Variants in JAZF1 observed in about 807,000 individuals in gnomAD.
JAZF1 encodes the protein juxtaposed with another zinc finger protein 1.
In JAZF1, 8 loss-of-function variants were observed where a neutral mutation model predicts 26.4. The ratio of observed to expected loss-of-function variants is 0.30; its 90% CI spans 0.18 to 0.55. The LOEUF (loss-of-function observed/expected upper bound fraction) is 0.55, where lower values mean the gene tolerates loss of function less well. JAZF1 is among the 20% of genes least tolerant of loss of function. JAZF1 has a pLI of 0.94. For missense variants in JAZF1, 199 were observed against 322.0 expected (o/e 0.62, Z 2.92); for synonymous variants, 126 against 122.3 (o/e 1.03, Z -0.20).
chr7:28,109,375 A>G (rs2127931757), intron 1 of JAZF1, among the ~76,000 whole-genome samples: 2 of 152,308 alleles, frequency 1.3e-5, no homozygotes, highest in Middle Eastern at 6.8e-3. Flanking sequence ...AGCGGGGAAA[A>G]ATAAAATTGA....
intron 1 of JAZF1, among the ~76,000 whole-genome samples, chr7:28,077,836 T>G (rs573855047): frequency 9.8e-5 from 15 of 152,332 alleles, no homozygotes; most frequent in Middle Eastern, 3.4e-3. Flanking sequence ...CATGGGGAAT[T>G]TCCACGTTCA....
intron 1 of JAZF1, among the ~76,000 whole-genome samples, chr7:28,120,204 G>T (rs1185155156): frequency 6.6e-6 from 1 of 151,346 alleles, no homozygotes; most frequent in Non-Finnish European, 1.5e-5. Flanking sequence ...GCTTTTCAGG[G>T]GTTTAATGAA....
intron 2 of JAZF1, among the ~76,000 whole-genome samples, chr7:27,988,186 A>G (rs1198551056): frequency 2.0e-5 from 1 of 49,286 alleles, no homozygotes; most frequent in Non-Finnish European, 4.0e-5. Flanking sequence ...ATGATCAATA[A>G]ATACTGAAAA....
At chr7:27,849,773 A>ACACACACACACACACACACACACACACC (rs1187295731) in intron 3 of JAZF1, among the ~76,000 whole-genome samples, 14 of 114,004 alleles carry the variant, frequency 1.2e-4, no homozygotes, top group African/African-American at 7.2e-4. Context: ...ACACACACAC[A>ACACACACACACACACACACACACACACC]CCCCTACACC....
At chr7:28,091,819 G>A (rs1784302433) in intron 1 of JAZF1, among the ~76,000 whole-genome samples, 1 of 147,020 alleles carries the variant, frequency 6.8e-6, no homozygotes, top group Non-Finnish European at 1.5e-5. Flanking sequence ...ATATTCTCTT[G>A]TTTTAAATGA....
intron 2 of JAZF1, among the ~76,000 whole-genome samples, chr7:27,898,010 T>C (rs1231051846): frequency 2.0e-5 from 3 of 152,200 alleles, no homozygotes; most frequent in Admixed American, 2.0e-4. Context: ...ATGTACCAAG[T>C]GGCTCAAAAT....
chr7:28,171,506 TG>T (rs1451279267), intron 1 of JAZF1, among the ~76,000 whole-genome samples: 2 of 152,188 alleles, frequency 1.3e-5, no homozygotes, highest in African/African-American at 2.4e-5. Flanking sequence ...CCTGAGTTTC[TG>T]GGGGAGGAAA....
At chr7:27,955,474 C>T (rs1785072525) in intron 2 of JAZF1, among the ~76,000 whole-genome samples, 1 of 152,188 alleles carries the variant, frequency 6.6e-6, no homozygotes, top group African/African-American at 2.4e-5. Context: ...GACATCACCT[C>T]CCTAAAGCCT....
chr7:27,844,837 G>C lies in JAZF1; in HGVS notation c.386-3970C>G, dbSNP rs185310596. On this transcript the variant is annotated intron_variant, in intron 3 of 4. Coordinates refer to ENST00000283928, the MANE Select transcript of JAZF1 (RefSeq NM_175061.4). ...ACTGAGGCTATCAGGTTGAAATGAG[G>C]CTCTGGGCTACTCTAGGGGAAAATG... Among the ~76,000 whole-genome samples, 389 of 152,310 alleles carry C rather than the reference G, an allele frequency of 2.6e-3. 2 individuals are homozygous for C. Among genetic ancestry groups the C allele is most frequent in the African/African-American group, 8.7e-3 (363 of 41,572 alleles).
rs375242713 is a variant in JAZF1 at position 28,180,582 on chromosome 7, C to A, written c.-5G>T. 12 of 1,596,166 alleles carry A rather than the reference C, an allele frequency of 7.5e-6. No homozygotes were observed. The South Asian group carries it at 1.3e-4, about 18-fold the overall frequency. On this transcript the variant is annotated 5_prime_UTR_variant, in exon 1 of 5. It removes the in-frame stop codon of an upstream open reading frame in the 5' UTR. Transcript: ENST00000283928. ...GGCGGCGGCGATGCCTGTCATGGTG[C>A]TACATCGAGAGCCCCCCTGGTGTCG...
At chr7:28,096,304 T>C (rs1020294969) in intron 1 of JAZF1, among the ~76,000 whole-genome samples, 3 of 152,376 alleles carry the variant, frequency 2.0e-5, no homozygotes, top group Non-Finnish European at 4.4e-5. Context: ...GCAACACTTT[T>C]GGTTATAAAG....
chr7:28,019,000 T>C (rs1782950606), intron 1 of JAZF1, among the ~76,000 whole-genome samples: 1 of 152,188 alleles, frequency 6.6e-6, no homozygotes, highest in Non-Finnish European at 1.5e-5. Context: ...CAAAGTCACC[T>C]CTGAGCAGCT....
intron 1 of JAZF1, among the ~76,000 whole-genome samples, chr7:28,049,010 T>TCCCCCCCC (rs1783543931): frequency 1.0e-5 from 1 of 95,644 alleles, no homozygotes; most frequent in African/African-American, 3.9e-5. Context: ...CCTTCCTTCC[T>TCCCCCCCC]CCCTCCCTCC....
At chr7:27,865,459 C>A (rs917687707) in intron 3 of JAZF1, among the ~76,000 whole-genome samples, 10 of 152,200 alleles carry the variant, frequency 6.6e-5, no homozygotes, top group Admixed American at 2.0e-4. Context: ...GTAGTTCTTA[C>A]TACTTCAAAC....
At chr7:27,861,828 G>A (rs1395208550) in intron 3 of JAZF1, among the ~76,000 whole-genome samples, 1 of 152,240 alleles carries the variant, frequency 6.6e-6, no homozygotes, top group African/African-American at 2.4e-5. Flanking sequence ...AACCTGGAGG[G>A]GGACCACCTC....
At chr7:27,999,256 T>C (rs1431078758) in intron 1 of JAZF1, among the ~76,000 whole-genome samples, 1 of 152,194 alleles carries the variant, frequency 6.6e-6, no homozygotes, top group African/African-American at 2.4e-5. Context: ...ACCAAGTTAA[T>C]TTGTGTGCAC....
At chr7:27,890,088 A>G (rs1243728165) in intron 3 of JAZF1, among the ~76,000 whole-genome samples, 1 of 152,214 alleles carries the variant, frequency 6.6e-6, no homozygotes, top group Non-Finnish European at 1.5e-5. Context: ...GTTTATTTGC[A>G]GACACATGGA....
chr7:27,863,127 A>G (rs1352785443), intron 3 of JAZF1, among the ~76,000 whole-genome samples: 1 of 152,216 alleles, frequency 6.6e-6, no homozygotes, highest in Non-Finnish European at 1.5e-5. Flanking sequence ...TAACATCAAC[A>G]TGTGCTTCAA....
At chr7:27,857,983 T>G (rs1783302651) in intron 3 of JAZF1, among the ~76,000 whole-genome samples, 1 of 152,214 alleles carries the variant, frequency 6.6e-6, no homozygotes. Flanking sequence ...GACATGATTG[T>G]ATATTTAGAA....
Sources: gnomAD v4.1 joint callset for allele counts (sites outside exome capture counted in the v4.1 genomes callset) on GRCh38, gnomAD v4.1.1 for gene constraint, MANE v1.5 for transcripts, NCBI Gene and HGNC (gene_info 2026-07-23, HGNC 2026-07-21) for gene names.